The following TENM1 variants were observed in gnomAD, a reference collection of about 807,000 sequenced individuals.
The protein encoded by TENM1 is teneurin-1.
TENM1 carries 35 observed loss-of-function variants against 174.8 expected under a neutral mutation model. The ratio of observed to expected loss-of-function variants is 0.20; its 90% CI spans 0.15 to 0.27. The LOEUF is 0.27. Ranked by LOEUF, TENM1 falls within the 10% of genes least tolerant of loss-of-function variation. The pLI is 1.00. For synonymous variants in TENM1, 781 were observed against 798.7 expected (o/e 0.98, Z 0.37); for missense variants, 1,633 against 2,130.1 (o/e 0.77, Z 4.59).
At chrX:124,810,473 C>T (rs1482187558) in intron 3 of TENM1, among the ~76,000 whole-genome samples, 9 of 111,149 alleles carry the variant, frequency 8.1e-5, no homozygotes, top group East Asian at 5.7e-4. Flanking sequence ...CAAAAAAATA[C>T]TTAGAAATAA....
intron 11 of TENM1, among the ~76,000 whole-genome samples, chrX:124,593,917 G>A (rs1166781729): frequency 1.8e-5 from 2 of 112,153 alleles, no homozygotes; most frequent in African/African-American, 3.2e-5. Context: ...TCCAGAGCAG[G>A]TGCTCCAATC....
intron 11 of TENM1, among the ~76,000 whole-genome samples, chrX:124,590,891 C>T (rs1031699494): frequency 1.8e-5 from 2 of 111,964 alleles, no homozygotes; most frequent in Non-Finnish European, 3.8e-5. Flanking sequence ...TCTAGAAGTA[C>T]TTGTTTTATG....
chrX:124,961,149 C>T (rs1022415560), intron 1 of TENM1, among the ~76,000 whole-genome samples: 4 of 111,710 alleles, frequency 3.6e-5, no homozygotes, highest in African/African-American at 1.3e-4. Context: ...GTAATAATTG[C>T]ATTTGACATG....
At chrX:125,101,275 A>G in the TENM1 span, among the ~76,000 whole-genome samples, 1 of 111,701 alleles carries the variant, frequency 9.0e-6, no homozygotes, top group Non-Finnish European at 1.9e-5. Flanking sequence ...CATTTCTCCA[A>G]ACAACAAAAC....
intron 3 of TENM1, among the ~76,000 whole-genome samples, chrX:124,866,290 G>A (rs182908677): frequency 8.9e-6 from 1 of 111,866 alleles, no homozygotes; most frequent in Non-Finnish European, 1.9e-5. Context: ...CATTCAAAAA[G>A]TTGAAATAAT....
At chrX:125,080,550 G>A in the TENM1 span, among the ~76,000 whole-genome samples, 2 of 111,208 alleles carry the variant, frequency 1.8e-5, no homozygotes, top group Non-Finnish European at 3.8e-5. Context: ...GCGGAAACTA[G>A]GATTCAGAAA....
At chrX:124,477,666 C>T (rs931183428) in intron 22 of TENM1, among the ~76,000 whole-genome samples, 3 of 107,443 alleles carry the variant, frequency 2.8e-5, no homozygotes, top group African/African-American at 6.7e-5. Context: ...GCAGGAGAAT[C>T]GCTGGAACTC....
the TENM1 span, among the ~76,000 whole-genome samples, chrX:125,140,500 G>C: frequency 1.6e-3 from 178 of 111,742 alleles, no homozygotes; most frequent in African/African-American, 5.6e-3. Context: ...CATACAGTTA[G>C]ACAGAAGGAA....
the TENM1 span, among the ~76,000 whole-genome samples, chrX:125,090,452 T>C: frequency 9.5e-6 from 1 of 104,963 alleles, no homozygotes; most frequent in Non-Finnish European, 1.9e-5. Flanking sequence ...TCGAGACCAG[T>C]CTGGGAAACA....
At chrX:124,886,387 T>C (rs2057383902) in intron 3 of TENM1, among the ~76,000 whole-genome samples, 1 of 109,877 alleles carries the variant, frequency 9.1e-6, no homozygotes, top group Admixed American at 9.9e-5. Flanking sequence ...ATGTATTATA[T>C]ATTACACATA....
the TENM1 span, among the ~76,000 whole-genome samples, chrX:125,162,401 G>C: frequency 1.8e-5 from 2 of 112,022 alleles, no homozygotes; most frequent in Non-Finnish European, 3.8e-5. Context: ...TATGATATGT[G>C]CTCTTTCTAC....
the TENM1 span, among the ~76,000 whole-genome samples, chrX:125,128,053 AT>A: frequency 9.0e-6 from 1 of 111,682 alleles, no homozygotes; most frequent in East Asian, 2.8e-4. Flanking sequence ...ACATGATTGC[AT>A]ATAAGAAACA....
chrX:124,484,845 T>C (rs909037103), intron 21 of TENM1, among the ~76,000 whole-genome samples: 2 of 111,059 alleles, frequency 1.8e-5, no homozygotes, highest in African/African-American at 6.6e-5. Flanking sequence ...GCACTATTTT[T>C]TTTCCTAACA....
the TENM1 span, among the ~76,000 whole-genome samples, chrX:125,051,557 G>A: frequency 4.5e-5 from 5 of 110,176 alleles, no homozygotes; most frequent in Admixed American, 3.9e-4. Flanking sequence ...ACAACCACCT[G>A]ATCTTTGACA....
the TENM1 span, among the ~76,000 whole-genome samples, chrX:125,185,130 A>T: frequency 2.4e-4 from 27 of 112,310 alleles, no homozygotes; most frequent in Non-Finnish European, 4.1e-4. Context: ...TGAATGCAAT[A>T]CCTGTGTAAA....
the TENM1 span, among the ~76,000 whole-genome samples, chrX:124,996,342 G>T: frequency 9.0e-6 from 1 of 110,603 alleles, no homozygotes; most frequent in Admixed American, 9.7e-5. Context: ...ACTTACAGAT[G>T]TAGTTGGGTT....
chrX:125,024,439 G>T, the TENM1 span, among the ~76,000 whole-genome samples: 1 of 110,113 alleles, frequency 9.1e-6, no homozygotes, highest in Non-Finnish European at 1.9e-5. Context: ...TAAAAAAAGT[G>T]AATTTGCAGC....
chrX:125,161,208 A>G, the TENM1 span, among the ~76,000 whole-genome samples: 816 of 111,041 alleles, frequency 7.3e-3, 2 homozygotes, highest in Middle Eastern at 0.023. Flanking sequence ...TTCTCAAGTC[A>G]CTTATCTAAA....
chrX:124,587,537 T>C (rs1462283832), intron 11 of TENM1, among the ~76,000 whole-genome samples: 1 of 111,184 alleles, frequency 9.0e-6, no homozygotes, highest in Non-Finnish European at 1.9e-5. Flanking sequence ...CAAAAACTAA[T>C]TCAAGATGGA....
Sources: allele counts gnomAD v4.1 joint callset (sites outside exome capture counted in the v4.1 genomes callset), GRCh38; gene constraint gnomAD v4.1.1; transcripts MANE v1.5; gene names NCBI Gene and HGNC (gene_info 2026-07-23, HGNC 2026-07-21).